The following NOS1 variants were observed in gnomAD, a reference collection of about 807,000 sequenced individuals.
NOS1 encodes nitric oxide synthase 1.
Under a neutral mutation model 164.5 loss-of-function variants are expected in NOS1, and 51 were observed. That is an observed-to-expected ratio of 0.31 (90% confidence interval 0.25 to 0.39). NOS1 has a LOEUF of 0.39. Ranked by LOEUF, NOS1 falls within the 10% of genes least tolerant of loss-of-function variation. NOS1 has a pLI of 1.00. For missense variants in NOS1, 1,362 were observed against 1,885.6 expected (o/e 0.72, Z 5.14); for synonymous variants, 719 against 745.8 (o/e 0.96, Z 0.59).
chr12:117,334,395 C>G (rs1875699995), intron 1 of NOS1, among the ~76,000 whole-genome samples: 1 of 151,934 alleles, frequency 6.6e-6, no homozygotes, highest in African/African-American at 2.4e-5. Context: ...TGAGCTCTGT[C>G]AATTAGCTTC....
intron 28 of NOS1, among the ~76,000 whole-genome samples, chr12:117,216,432 T>G (rs1956612004): frequency 6.6e-6 from 1 of 152,152 alleles, no homozygotes; most frequent in South Asian, 2.1e-4. Flanking sequence ...TCCACCGGCC[T>G]CAGCCTCCCG....
chr12:117,233,211 C>A (rs1216440512), intron 21 of NOS1, among the ~76,000 whole-genome samples: 1 of 151,640 alleles, frequency 6.6e-6, no homozygotes, highest in Non-Finnish European at 1.5e-5. Flanking sequence ...CCATGCCTGG[C>A]TAATTTTTTG....
intron 20 of NOS1, among the ~76,000 whole-genome samples, chr12:117,237,075 C>T (rs769573237): frequency 2.6e-5 from 4 of 152,192 alleles, no homozygotes; most frequent in African/African-American, 4.8e-5. Context: ...ACCCTCTGGG[C>T]GATAGCACTG....
At chr12:117,326,157 G>A (rs890487171) in intron 2 of NOS1, among the ~76,000 whole-genome samples, 1 of 151,422 alleles carries the variant, frequency 6.6e-6, no homozygotes, top group Non-Finnish European at 1.5e-5. Flanking sequence ...AGGCCGAGAC[G>A]GGCGGATCAC....
chr12:117,317,748 C>T, intron 2 of NOS1, among the ~76,000 whole-genome samples: 1 of 152,098 alleles, frequency 6.6e-6, no homozygotes, highest in East Asian at 1.9e-4. Flanking sequence ...GTGTCCTTCT[C>T]TCTCTGGAAA....
intron 13 of NOS1, 42 bp from the exon 14 acceptor site, chr12:117,260,651 A>AG (rs1397019786): frequency 6.3e-7 from 1 of 1,593,050 alleles, no homozygotes; most frequent in Admixed American, 1.7e-5. Context: ...GCAACAGAAA[A>AG]GGGGAGAGAA....
At position 117,331,348 on chromosome 12, in the gene NOS1, C is replaced by T. The variant is rs929607832; in HGVS notation, c.-279G>A. 22 of 450,176 alleles carry T rather than the reference C, an allele frequency of 4.9e-5. No homozygotes were observed. Among genetic ancestry groups the T allele is most frequent in the African/African-American group, 2.5e-4 (13 of 51,280 alleles). The allele number at this position is 450,176 out of a possible 1,614,324, so 27.9% of individuals were successfully genotyped here. On this transcript the variant is annotated 5_prime_UTR_variant, in exon 2 of 29. Coordinates refer to ENST00000317775, the MANE Select transcript of NOS1 (RefSeq NM_000620.5). ...GCAGACGTCAAGAGAGGCGGTGGGA[C>T]GTGTCCCTAAGGTCAGGCAGAAAGG...
In NOS1 at chr12:117,210,670, C is replaced by T. The variant is rs1956513276; in HGVS notation, c.*4639G>A. 1 of 985,444 alleles carries T rather than the reference C, an allele frequency of 1.0e-6. No homozygotes were observed. Among genetic ancestry groups the T allele is most frequent in the South Asian group, 4.7e-5 (1 of 21,284 alleles). 61.0% of individuals were successfully genotyped at this position (985,444 alleles called of 1,614,324 possible). A position where few individuals can be genotyped will look rare whatever the true frequency, so the allele number is the denominator to read the frequency against. ...CTATGAGCTAGGTCAGGACACCTCT[C>T]ACTTGTTTTGAGCTTAGGGCAAGAC... is the stretch of plus-strand genomic sequence containing the variant. On this transcript the variant is annotated 3_prime_UTR_variant, in exon 29 of 29. Coordinates refer to ENST00000317775, the MANE Select transcript of NOS1 (RefSeq NM_000620.5).
At chr12:117,235,507 C>T (rs1021506593) in intron 20 of NOS1, among the ~76,000 whole-genome samples, 1 of 152,220 alleles carries the variant, frequency 6.6e-6, no homozygotes, top group East Asian at 1.9e-4. Context: ...ACCAGGGTTC[C>T]TCGTATTGTT....
intron 17 of NOS1, among the ~76,000 whole-genome samples, chr12:117,248,361 A>C (rs1390218687): frequency 1.4e-5 from 2 of 147,284 alleles, no homozygotes; most frequent in African/African-American, 5.1e-5. Context: ...CCCACCCCAC[A>C]ACAGTCCCCA....
intron 3 of NOS1, among the ~76,000 whole-genome samples, chr12:117,296,532 G>C (rs543130645): frequency 2.0e-5 from 3 of 152,322 alleles, no homozygotes; most frequent in Non-Finnish European, 4.4e-5. Context: ...TCCTGCGCTT[G>C]AACATTGGAC....
At chr12:117,293,087 T>C (rs1378449952) in intron 3 of NOS1, among the ~76,000 whole-genome samples, 1 of 152,166 alleles carries the variant, frequency 6.6e-6, no homozygotes, top group Non-Finnish European at 1.5e-5. Flanking sequence ...TTAAGAGAAC[T>C]ATCATGGCCA....
In NOS1 at chr12:117,208,405, T is replaced by A. The variant is rs1280188417; in HGVS notation, c.*6904A>T. On this transcript the variant is annotated 3_prime_UTR_variant, in exon 29 of 29. Coordinates refer to ENST00000317775, the MANE Select transcript of NOS1 (RefSeq NM_000620.5). ...GTTTCTGACAGCGTGTGTGTGTGTG[T>A]GTGTGTGTGTGTGTGTGGTGAGATG... The A allele has an allele frequency of 5.5e-6, 7 of 1,284,156 alleles. No individual in the cohort carries two copies. The East Asian group carries it at 3.9e-4, about 71-fold the overall frequency. 79.5% of individuals were successfully genotyped at this position (1,284,156 alleles called of 1,614,324 possible).
intron 22 of NOS1, among the ~76,000 whole-genome samples, chr12:117,231,005 T>C (rs890245134): frequency 1.3e-5 from 2 of 152,004 alleles, no homozygotes; most frequent in Admixed American, 6.6e-5. Context: ...AGATGGTTCA[T>C]GGGTACAAAA....
chr12:117,276,880 C>G (rs1392063108), intron 9 of NOS1, among the ~76,000 whole-genome samples: 3 of 152,132 alleles, frequency 2.0e-5, no homozygotes, highest in African/African-American at 7.2e-5. Flanking sequence ...ATCTATTCAT[C>G]TGTTGATGGA....
At chr12:117,228,933 C>T (rs1868942311) in intron 22 of NOS1, among the ~76,000 whole-genome samples, 1 of 152,114 alleles carries the variant, frequency 6.6e-6, no homozygotes, top group East Asian at 1.9e-4. Context: ...CGGTGCCCGC[C>T]ACCACGCCCA....
intron 2 of NOS1, among the ~76,000 whole-genome samples, chr12:117,322,701 CCTT>C (rs1336670953): frequency 2.8e-5 from 4 of 143,542 alleles, no homozygotes; most frequent in Non-Finnish European, 4.6e-5. Flanking sequence ...TTCCTTCCCT[CCTT>C]CTTTCCTTTC....
chr12:117,295,569 T>C (rs1402383922), intron 3 of NOS1, among the ~76,000 whole-genome samples: 1 of 151,620 alleles, frequency 6.6e-6, no homozygotes. Context: ...CCCCGATCAC[T>C]GCGTTTGCTC....
At chr12:117,240,271 C>G (rs1870062248) in intron 20 of NOS1, among the ~76,000 whole-genome samples, 1 of 152,100 alleles carries the variant, frequency 6.6e-6, no homozygotes, top group African/African-American at 2.4e-5. Context: ...GATTAATTTC[C>G]CACTCCATTT....
Sources: gnomAD v4.1 joint callset for allele counts (sites outside exome capture counted in the v4.1 genomes callset) on GRCh38, gnomAD v4.1.1 for gene constraint, MANE v1.5 for transcripts, NCBI Gene and HGNC (gene_info 2026-07-23, HGNC 2026-07-21) for gene names.